Variants in PTPN14 observed in about 807,000 individuals in gnomAD.
PTPN14 encodes protein tyrosine phosphatase non-receptor type 14.
In PTPN14, 53 loss-of-function variants were observed where a neutral mutation model predicts 126.8. The observed-to-expected ratio is 0.42, with a 90% CI of 0.34 to 0.53. The LOEUF (loss-of-function observed/expected upper bound fraction) is 0.53, where lower values mean the gene tolerates loss of function less well. Among genes scored for constraint, PTPN14 ranks in the 20% least tolerant of loss-of-function variants. PTPN14 has a pLI of 0.08. For synonymous variants in PTPN14, 630 were observed against 599.3 expected, an observed-to-expected ratio of 1.05 and a Z score of -0.75; for missense variants, 1,257 against 1,552.9, an observed-to-expected ratio of 0.81 and a Z score of 3.20.
At chr1:214,503,310 G>A (rs1654754565) in intron 1 of PTPN14, among the ~76,000 whole-genome samples, 1 of 152,194 alleles carries the variant, frequency 6.6e-6, no homozygotes, top group Non-Finnish European at 1.5e-5. Context: ...TGTGAGTATT[G>A]AAGATGAAGT....
chr1:214,475,137 A>G (rs1345311554), intron 1 of PTPN14, among the ~76,000 whole-genome samples: 1 of 152,148 alleles, frequency 6.6e-6, no homozygotes, highest in African/African-American at 2.4e-5. Flanking sequence ...TAAAATTTCC[A>G]TAATAATAAG....
chr1:214,470,263 A>G (rs61819617), intron 1 of PTPN14, among the ~76,000 whole-genome samples: 13,758 of 151,682 alleles, frequency 0.091, 626 homozygotes, highest in South Asian at 0.12. Flanking sequence ...CACTCCAGCT[A>G]GGCAATACAG....
chr1:214,357,900 T>A lies in PTPN14; in HGVS notation c.*22A>T, dbSNP rs746967467. The A allele has an allele frequency of 6.2e-7, 1 of 1,608,858 alleles. No individual in the cohort carries two copies. Among genetic ancestry groups the A allele is most frequent in the South Asian group, 1.1e-5 (1 of 90,790 alleles). On this transcript the variant is annotated 3_prime_UTR_variant, in exon 19 of 19. Coordinates refer to ENST00000366956, the MANE Select transcript of PTPN14 (RefSeq NM_005401.5). Reference sequence around the variant, plus strand: ...CAGCGCGATGGAGCTGGGTCCCTCCTCCAGGAGCTGGATTGGGGTGATTAA... The same window carrying A: ...CAGCGCGATGGAGCTGGGTCCCTCCACCAGGAGCTGGATTGGGGTGATTAA...
intron 1 of PTPN14, among the ~76,000 whole-genome samples, chr1:214,520,411 A>G (rs1375392944): frequency 6.6e-6 from 1 of 152,188 alleles, no homozygotes; most frequent in Non-Finnish European, 1.5e-5. Flanking sequence ...CTCCAGCATA[A>G]CAGATACAAC....
chr1:214,530,640 C>T (rs1655521751), intron 1 of PTPN14: 1 of 152,196 alleles, frequency 6.6e-6, no homozygotes, highest in South Asian at 2.1e-4. Flanking sequence ...TGATGCCTGG[C>T]TCTATAATAT....
At chr1:214,476,647 G>A (rs908344690) in intron 1 of PTPN14, among the ~76,000 whole-genome samples, 6 of 152,026 alleles carry the variant, frequency 3.9e-5, no homozygotes, top group African/African-American at 1.4e-4. Context: ...TGGGAATGTC[G>A]CCTCATTCAC....
intron 1 of PTPN14, among the ~76,000 whole-genome samples, chr1:214,485,391 TTCTTTC>T (rs1222389464): frequency 1.6e-4 from 24 of 152,350 alleles, no homozygotes; most frequent in Admixed American, 5.9e-4. Flanking sequence ...AGCTTTGGAA[TTCTTTC>T]AGAAAGGGGA....
intron 3 of PTPN14, among the ~76,000 whole-genome samples, chr1:214,430,138 T>G (rs1475556246): frequency 6.6e-6 from 1 of 152,202 alleles, no homozygotes; most frequent in Non-Finnish European, 1.5e-5. Context: ...CTTGAGGACT[T>G]TGCATTGCAA....
chr1:214,402,437 C>CAAAAAAAAAAAAAAAAAAAAAAAAAAA (rs1165595746), intron 6 of PTPN14, among the ~76,000 whole-genome samples: 2 of 48,166 alleles, frequency 4.2e-5, no homozygotes, highest in African/African-American at 1.9e-4. Flanking sequence ...GAGACTCTGT[C>CAAAAAAAAAAAAAAAAAAAAAAAAAAA]AAAAAAAAAA....
intron 17 of PTPN14, among the ~76,000 whole-genome samples, chr1:214,365,747 A>G (rs926216388): frequency 2.0e-5 from 3 of 152,244 alleles, no homozygotes; most frequent in Non-Finnish European, 4.4e-5. Context: ...TGCTTTACCA[A>G]AAAACCAAAC....
intron 3 of PTPN14, 59 bp downstream of exon 3, chr1:214,451,746 T>C (rs1221695205): frequency 1.3e-6 from 2 of 1,563,218 alleles, no homozygotes; most frequent in East Asian, 4.5e-5. Context: ...TCTACTTCAT[T>C]GGAAGCTTCA....
chr1:214,402,152 G>A (rs1659033360), intron 6 of PTPN14, among the ~76,000 whole-genome samples: 1 of 151,612 alleles, frequency 6.6e-6, no homozygotes, highest in Non-Finnish European at 1.5e-5. Flanking sequence ...ATAATATTTT[G>A]GGAGTCAAAT....
rs1443382303 is a variant in PTPN14 at position 214,482,920 on chromosome 1, C to T, written c.-154-17963G>A. On this transcript the variant is annotated intron_variant, in intron 1 of 18. Coordinates refer to ENST00000366956, the MANE Select transcript of PTPN14 (RefSeq NM_005401.5). ...ACAGCTGATACAGCACAGGCTGGAG[C>T]TCCCACTAAGCCACCCTCAGATTTT... The T allele has an allele frequency of 2.5e-6, 4 of 1,598,044 alleles. No homozygotes were observed. The Admixed American group carries it at 6.7e-5, about 27-fold the overall frequency.
At chr1:214,479,111 C>G (rs960744492) in intron 1 of PTPN14, among the ~76,000 whole-genome samples, 2 of 151,780 alleles carry the variant, frequency 1.3e-5, no homozygotes, top group East Asian at 1.9e-4. Context: ...TTTGGGAGAT[C>G]GAGGTGGAAT....
At chr1:214,532,564 C>T in intron 1 of PTPN14, 1 of 1,071,560 alleles carries the variant, frequency 9.3e-7, no homozygotes, top group Non-Finnish European at 1.5e-6. Context: ...GACTGGGGGC[C>T]ATTACTTCAA....
intron 1 of PTPN14, among the ~76,000 whole-genome samples, chr1:214,513,499 C>T (rs559726709): frequency 2.0e-5 from 3 of 152,084 alleles, no homozygotes; most frequent in African/African-American, 7.2e-5. Context: ...GCACAATTAT[C>T]TAGGACTTAA....
intron 1 of PTPN14, among the ~76,000 whole-genome samples, chr1:214,534,515 C>T (rs1333124793): frequency 2.0e-5 from 3 of 151,914 alleles, no homozygotes; most frequent in Non-Finnish European, 1.5e-5. Context: ...AGATCGAGAC[C>T]ATCCTGGCTA....
At chr1:214,489,497 A>G (rs10746446) in intron 1 of PTPN14, among the ~76,000 whole-genome samples, 139,235 of 152,230 alleles carry the variant, frequency 0.91, 63,790 homozygotes, top group African/African-American at 0.97. Flanking sequence ...TCATCCAGTC[A>G]ACTCCTATTT....
chr1:214,542,520 TG>T (rs1249654179), intron 1 of PTPN14, among the ~76,000 whole-genome samples: 2 of 151,934 alleles, frequency 1.3e-5, no homozygotes, highest in Non-Finnish European at 2.9e-5. Context: ...CCCAGGCAGC[TG>T]ACAGGCCAGT....
Sources: gnomAD v4.1 joint callset for allele counts (sites outside exome capture counted in the v4.1 genomes callset) on GRCh38, gnomAD v4.1.1 for gene constraint, MANE v1.5 for transcripts, NCBI Gene and HGNC (gene_info 2026-07-23, HGNC 2026-07-21) for gene names.